GALNT13: variants seen among roughly 807,000 people sequenced by gnomAD.
GALNT13 encodes UDP-GalNAc:polypeptide N-acetylgalactosaminyltransferase 13.
A neutral mutation model predicts 64.2 loss-of-function variants in GALNT13; 28 were observed. The observed-to-expected ratio is 0.44, with a 90% CI of 0.32 to 0.60. The LOEUF (loss-of-function observed/expected upper bound fraction) is 0.60. GALNT13 is among the 20% of genes least tolerant of loss of function. The pLI, the probability that GALNT13 is intolerant of heterozygous loss-of-function variation, is 0.05. For synonymous variants in GALNT13, 214 were observed against 224.6 expected (o/e 0.95, Z 0.42); for missense variants, 577 against 669.8 (o/e 0.86, Z 1.53).
intron 4 of GALNT13, among the ~76,000 whole-genome samples, chr2:154,180,668 T>C (rs1278507517): frequency 6.6e-6 from 1 of 152,160 alleles, no homozygotes; most frequent in African/African-American, 2.4e-5. Context: ...TCACCTTCTT[T>C]TTCTAAATTA....
At chr2:153,101,944 A>G in the GALNT13 span, among the ~76,000 whole-genome samples, 3 of 152,258 alleles carry the variant, frequency 2.0e-5, no homozygotes, top group African/African-American at 7.2e-5. Context: ...ACATACATTT[A>G]TGTATCTATA....
intron 8 of GALNT13, among the ~76,000 whole-genome samples, chr2:154,289,751 A>C (rs924366348): frequency 3.3e-5 from 5 of 152,210 alleles, no homozygotes; most frequent in African/African-American, 1.2e-4. Flanking sequence ...TTGGAATAGC[A>C]CCCAGTCTCT....
At chr2:153,555,190 CTTTTTTTTTTT>C in the GALNT13 span, among the ~76,000 whole-genome samples, 20 of 105,194 alleles carry the variant, frequency 1.9e-4, 1 homozygote, top group East Asian at 4.4e-3. Context: ...AGAAGCTTTA[CTTTTTTTTTTT>C]TTTTTTTTTT....
intron 3 of GALNT13, among the ~76,000 whole-genome samples, chr2:154,034,323 A>G (rs1184817103): frequency 6.6e-6 from 1 of 152,230 alleles, no homozygotes; most frequent in Non-Finnish European, 1.5e-5. Flanking sequence ...ACACAGGGTA[A>G]CAAACTACAT....
chr2:153,094,675 G>A, the GALNT13 span, among the ~76,000 whole-genome samples: 1 of 152,108 alleles, frequency 6.6e-6, no homozygotes, highest in Non-Finnish European at 1.5e-5. Flanking sequence ...GCATGGTGCT[G>A]GTACCAAAAC....
chr2:153,431,845 G>T, the GALNT13 span, among the ~76,000 whole-genome samples: 1 of 152,182 alleles, frequency 6.6e-6, no homozygotes, highest in African/African-American at 2.4e-5. Flanking sequence ...TCAACAATCA[G>T]TGAAGACAGT....
At chr2:154,013,249 G>T (rs1696766159) in intron 3 of GALNT13, among the ~76,000 whole-genome samples, 2 of 151,456 alleles carry the variant, frequency 1.3e-5, no homozygotes, top group African/African-American at 4.9e-5. Context: ...GAAGCCCTTT[G>T]GTGTTTGATT....
chr2:154,350,204 T>C (rs1042130418), intron 9 of GALNT13, among the ~76,000 whole-genome samples: 6 of 152,144 alleles, frequency 3.9e-5, no homozygotes, highest in Non-Finnish European at 5.9e-5. Context: ...TTGTTCCTGG[T>C]TATGTCTGTG....
the GALNT13 span, among the ~76,000 whole-genome samples, chr2:153,316,589 C>T: frequency 3.4e-5 from 5 of 145,240 alleles, no homozygotes; most frequent in Admixed American, 7.1e-5. Context: ...TGCAGTGAGC[C>T]GAGATTGCGC....
chr2:154,161,322 A>G (rs1395135933), intron 4 of GALNT13, among the ~76,000 whole-genome samples: 1 of 152,198 alleles, frequency 6.6e-6, no homozygotes, highest in Non-Finnish European at 1.5e-5. Context: ...TTCATTTAAG[A>G]GATCTAAAAG....
intron 2 of GALNT13, among the ~76,000 whole-genome samples, chr2:153,910,257 A>G (rs1193943543): frequency 6.6e-6 from 1 of 151,828 alleles, no homozygotes. Flanking sequence ...TGATGGTTAT[A>G]TATGTGTGTT....
chr2:154,224,093 A>G (rs1208854836), intron 4 of GALNT13, among the ~76,000 whole-genome samples: 1 of 152,122 alleles, frequency 6.6e-6, no homozygotes, highest in Non-Finnish European at 1.5e-5. Flanking sequence ...GAAAATTATA[A>G]AAGCCCTTTA....
the GALNT13 span, among the ~76,000 whole-genome samples, chr2:153,256,489 G>A: frequency 6.6e-6 from 1 of 152,188 alleles, no homozygotes; most frequent in South Asian, 2.1e-4. Context: ...TCTCCGTCCA[G>A]CTTTGTTCCG....
rs752987473 is a variant in GALNT13 at position 154,016,726 on chromosome 2, A to C, written c.142+72087A>C. 7.1e-4 allele frequency among the ~76,000 whole-genome samples: 108 copies of C among 152,320 alleles called. 1 individual carries two copies. The highest frequency in any genetic ancestry group is 1.8e-3 in the Admixed American group (28 of 15,304). On this transcript the variant is annotated intron_variant, in intron 3 of 12. Transcript: ENST00000392825. The stretch of plus-strand genomic sequence containing the variant: ...CCACTGCGCCTGGCCTAGATTGTTA[A>C]ATCAACAAATCAAGCCAACAGGATG...
the GALNT13 span, among the ~76,000 whole-genome samples, chr2:153,117,504 A>G: frequency 6.6e-6 from 1 of 152,332 alleles, no homozygotes; most frequent in Admixed American, 6.5e-5. Context: ...GGTTATTTCC[A>G]TATAAAACTT....
chr2:153,345,998 G>A, the GALNT13 span, among the ~76,000 whole-genome samples: 113 of 151,550 alleles, frequency 7.5e-4, no homozygotes, highest in African/African-American at 2.6e-3. Context: ...TTTTTGAGAC[G>A]GAGTCTTGCT....
At chr2:154,236,683 C>T (rs1197362682) in intron 4 of GALNT13, among the ~76,000 whole-genome samples, 1 of 152,008 alleles carries the variant, frequency 6.6e-6, no homozygotes, top group Non-Finnish European at 1.5e-5. Flanking sequence ...CCATCTGCCA[C>T]TTTTACTCTC....
chr2:153,069,949 C>A, the GALNT13 span, among the ~76,000 whole-genome samples: 1 of 152,052 alleles, frequency 6.6e-6, no homozygotes, highest in South Asian at 2.1e-4. Flanking sequence ...AAAATTCTAT[C>A]TAGGGAAGCT....
the GALNT13 span, among the ~76,000 whole-genome samples, chr2:153,629,886 C>T: frequency 6.8e-6 from 1 of 148,062 alleles, no homozygotes. Context: ...AGCCAAAAAA[C>T]ACATGAAAAA....
Sources: gnomAD v4.1 joint callset for allele counts (sites outside exome capture counted in the v4.1 genomes callset) on GRCh38, gnomAD v4.1.1 for gene constraint, MANE v1.5 for transcripts, NCBI Gene and HGNC (gene_info 2026-07-23, HGNC 2026-07-21) for gene names.